CCDC201: variants seen among roughly 807,000 people sequenced by gnomAD.
The protein encoded by CCDC201 is coiled-coil domain containing 201, also known as coiled-coil domain-containing protein 201.
the CCDC201 span, among the ~76,000 whole-genome samples, chr7:45,883,756 T>C: frequency 6.6e-6 from 1 of 152,198 alleles, no homozygotes; most frequent in Non-Finnish European, 1.5e-5. Context: ...TTTCTTTCTT[T>C]CATGCATTAA....
At chr7:45,883,379 C>T in the CCDC201 span, among the ~76,000 whole-genome samples, 1 of 152,120 alleles carries the variant, frequency 6.6e-6, no homozygotes, top group Non-Finnish European at 1.5e-5. Flanking sequence ...ATCAGGATTG[C>T]ACAGGGGGGC....
At chr7:45,873,440 T>C (rs886565539), upstream of CCDC201, among the ~76,000 whole-genome samples, 3 of 151,012 alleles carry the variant, frequency 2.0e-5, no homozygotes, top group Admixed American at 1.3e-4. Context: ...ACCACTGGAC[T>C]ACAAGGTATG....
the CCDC201 span, among the ~76,000 whole-genome samples, chr7:45,884,568 G>A: frequency 9.3e-4 from 142 of 152,202 alleles, no homozygotes; most frequent in African/African-American, 3.3e-3. Flanking sequence ...CCAGCTCCCA[G>A]CAGGAAGAAC....
At chr7:45,880,452 T>G in the CCDC201 span, among the ~76,000 whole-genome samples, 1 of 152,276 alleles carries the variant, frequency 6.6e-6, no homozygotes, top group African/African-American at 2.4e-5. Flanking sequence ...ATGCGGGTGA[T>G]GGCACCCCAG....
the CCDC201 span, among the ~76,000 whole-genome samples, chr7:45,880,893 C>T: frequency 6.6e-6 from 1 of 152,134 alleles, no homozygotes; most frequent in Non-Finnish European, 1.5e-5. Flanking sequence ...AGTGGCAGCC[C>T]TGGTGTTTGT....
At chr7:45,860,846 T>C (rs1786590249) in exon 3 of CCDC201, 1 of 152,256 alleles carries the variant, frequency 6.6e-6, no homozygotes, top group African/African-American at 2.4e-5. Flanking sequence ...ATGTGCACCA[T>C]TTGTGAAATC....
chr7:45,875,384 A>T (rs1163622932), upstream of CCDC201, among the ~76,000 whole-genome samples: 2 of 150,432 alleles, frequency 1.3e-5, no homozygotes, highest in African/African-American at 4.9e-5. Context: ...AGTCCCAGCT[A>T]CTTGGGAGGC....
upstream of CCDC201, chr7:45,873,140 GTT>G: frequency 6.6e-6 from 1 of 152,456 alleles, no homozygotes; most frequent in East Asian, 1.9e-4. Flanking sequence ...CCGAGCCAGA[GTT>G]AGCCTGACGG....
chr7:45,860,953 TGTA>T (rs1786591628), exon 3 of CCDC201: 1 of 152,078 alleles, frequency 6.6e-6, no homozygotes, highest in African/African-American at 2.4e-5. Context: ...TGTGCTAATA[TGTA>T]GAAGATGCAA....
At chr7:45,864,100 G>T (rs1015670060) in intron 2 of CCDC201, among the ~76,000 whole-genome samples, 1 of 152,158 alleles carries the variant, frequency 6.6e-6, no homozygotes, top group East Asian at 1.9e-4. Flanking sequence ...GTTTATGTCC[G>T]TCCACAGAGG....
the CCDC201 span, among the ~76,000 whole-genome samples, chr7:45,879,144 C>A: frequency 2.6e-4 from 40 of 152,318 alleles, 1 homozygote; most frequent in East Asian, 7.1e-3. Context: ...ATAAGTTCCT[C>A]ATCTCCATCT....
the CCDC201 span, among the ~76,000 whole-genome samples, chr7:45,881,690 A>G: frequency 6.6e-6 from 1 of 152,114 alleles, no homozygotes; most frequent in African/African-American, 2.4e-5. Flanking sequence ...TTGGCACTTG[A>G]TACCTGCCCT....
intron 1 of CCDC201, among the ~76,000 whole-genome samples, chr7:45,866,905 C>T (rs1782013282): frequency 6.6e-6 from 1 of 152,082 alleles, no homozygotes; most frequent in South Asian, 2.1e-4. Flanking sequence ...TGTTGACAAA[C>T]ATTGTAGTAT....
intron 1 of CCDC201, among the ~76,000 whole-genome samples, chr7:45,872,552 G>C (rs1786753957): frequency 1.3e-5 from 2 of 152,204 alleles, no homozygotes; most frequent in African/African-American, 4.8e-5. Context: ...GCCAGGGGAG[G>C]AGATGGAGGA....
chr7:45,875,618 G>A (rs1786792458), upstream of CCDC201, among the ~76,000 whole-genome samples: 1 of 152,284 alleles, frequency 6.6e-6, no homozygotes, highest in Non-Finnish European at 1.5e-5. Context: ...ATGAATAAGA[G>A]TGTTTGAAGG....
the CCDC201 span, among the ~76,000 whole-genome samples, chr7:45,880,254 A>T: frequency 9.8e-5 from 15 of 152,338 alleles, no homozygotes; most frequent in South Asian, 3.1e-3. Flanking sequence ...TTGGAATTTT[A>T]TCCTGAGAAA....
chr7:45,878,836 A>T, the CCDC201 span, among the ~76,000 whole-genome samples: 1 of 152,232 alleles, frequency 6.6e-6, no homozygotes, highest in Non-Finnish European at 1.5e-5. Context: ...CTCCCTAGAC[A>T]ATGGGTTTTT....
At chr7:45,876,989 A>C (rs1786818068), upstream of CCDC201, among the ~76,000 whole-genome samples, 1 of 152,238 alleles carries the variant, frequency 6.6e-6, no homozygotes, top group Non-Finnish European at 1.5e-5. Flanking sequence ...TTAGGGTTAC[A>C]TACAGTGCTT....
chr7:45,881,671 G>T, the CCDC201 span, among the ~76,000 whole-genome samples: 1 of 152,158 alleles, frequency 6.6e-6, no homozygotes, highest in Non-Finnish European at 1.5e-5. Flanking sequence ...AAGAGCACCT[G>T]CCCTATGTTT....
Sources: allele counts gnomAD v4.1 joint callset (sites outside exome capture counted in the v4.1 genomes callset), GRCh38; gene constraint gnomAD v4.1.1; transcripts MANE v1.5; gene names NCBI Gene and HGNC (gene_info 2026-07-23, HGNC 2026-07-21).